The following VWA8 variants were observed in gnomAD, a reference collection of about 807,000 sequenced individuals.
VWA8 encodes the protein von Willebrand factor A domain-containing protein 8.
In VWA8, 221 loss-of-function variants were observed where a neutral mutation model predicts 241.5. That is an observed-to-expected ratio of 0.91 (90% CI 0.82 to 1.02). VWA8 has a LOEUF of 1.02. Among genes scored for constraint, VWA8 ranks in the 50% least tolerant of loss-of-function variants. VWA8 has a pLI of 0.00. For synonymous variants in VWA8, 852 were observed against 827.1 expected (o/e 1.03, Z -0.52); for missense variants, 2,322 against 2,328.7 (o/e 1.00, Z 0.06).
intron 41 of VWA8, among the ~76,000 whole-genome samples, chr13:41,589,967 C>T (rs1049474170): frequency 1.3e-5 from 2 of 152,218 alleles, no homozygotes; most frequent in Non-Finnish European, 2.9e-5. Context: ...CCCCGGTGCA[C>T]ATTAATACAT....
chr13:41,688,398 G>A (rs1187973705), intron 34 of VWA8, among the ~76,000 whole-genome samples: 1 of 152,050 alleles, frequency 6.6e-6, no homozygotes, highest in African/African-American at 2.4e-5. Context: ...CAGAACACAT[G>A]GAGCTACATC....
At chr13:41,741,987 G>A (rs1330878161) in intron 21 of VWA8, among the ~76,000 whole-genome samples, 5 of 152,214 alleles carry the variant, frequency 3.3e-5, no homozygotes, top group Non-Finnish European at 7.4e-5. Context: ...TGAGTAGAAA[G>A]TATGTCTAGG....
intron 12 of VWA8, among the ~76,000 whole-genome samples, chr13:41,861,417 A>C (rs1873000395): frequency 6.6e-6 from 1 of 152,192 alleles, no homozygotes; most frequent in South Asian, 2.1e-4. Flanking sequence ...GTCCACTCTC[A>C]CCATTCCTAT....
chr13:41,635,739 C>A (rs1475479), intron 37 of VWA8, among the ~76,000 whole-genome samples: 7,218 of 152,128 alleles, frequency 0.047, 227 homozygotes, highest in East Asian at 0.16. Context: ...AGAGCTCCTA[C>A]CCCAGAGGCT....
intron 43 of VWA8, among the ~76,000 whole-genome samples, chr13:41,571,387 A>G (rs112476513): frequency 0.043 from 5,742 of 132,184 alleles, 405 homozygotes; most frequent in African/African-American, 0.15. Flanking sequence ...TGATGCCACC[A>G]AAGTTGTCAA....
chr13:41,659,766 G>A (rs926172758), intron 37 of VWA8, among the ~76,000 whole-genome samples: 1 of 152,120 alleles, frequency 6.6e-6, no homozygotes, highest in African/African-American at 2.4e-5. Context: ...GTTCAAATTG[G>A]TGACTTCTGG....
rs778843925 is a variant in VWA8, at chr13:41,699,073, G to A, written c.3562C>T (p.Gln1188Ter). The A allele has an allele frequency of 1.2e-6, 2 of 1,613,740 alleles. No individual in the cohort carries two copies. Among genetic ancestry groups the A allele is most frequent in the African/African-American group, 2.7e-5 (2 of 74,882 alleles). Residue 1188 changes from glutamine (Q) to a stop codon, truncating the protein, a stop_gained and splice_region_variant, in exon 29 of 45, where the codon CAG becomes TAG. Coordinates refer to ENST00000379310, the MANE Select transcript of VWA8 (RefSeq NM_015058.2). LOFTEE classifies it high-confidence loss of function. The stretch of plus-strand genomic sequence containing the variant: ...AATTGTAGCCTGGTGTGCATTACCT[G>A]CTGCTCATGGAGAACCACTTGACCT... ...LKGQVVLHEQ[Q>*]SNVILLLDTT...
chr13:41,605,428 G>T, intron 39 of VWA8, 152 bp from the exon 40 acceptor site: 1 of 703,592 alleles, frequency 1.4e-6, no homozygotes, highest in Non-Finnish European at 2.4e-6. Context: ...CTCCAGCTGT[G>T]CTTCCAGATT....
chr13:41,576,522 G>A (rs1358620042), intron 42 of VWA8, among the ~76,000 whole-genome samples: 1 of 152,198 alleles, frequency 6.6e-6, no homozygotes, highest in Non-Finnish European at 1.5e-5. Context: ...GGTTGAAATT[G>A]TTATGCAAAA....
chr13:41,674,065 A>G (rs536845570), intron 36 of VWA8, among the ~76,000 whole-genome samples: 1 of 152,344 alleles, frequency 6.6e-6, no homozygotes, highest in South Asian at 2.1e-4. Context: ...AATGATTAAA[A>G]GCCATTTTCC....
At chr13:41,745,472 A>G (rs943623949) in intron 21 of VWA8, among the ~76,000 whole-genome samples, 2 of 152,210 alleles carry the variant, frequency 1.3e-5, no homozygotes, top group Non-Finnish European at 2.9e-5. Flanking sequence ...ACAAAGGGCT[A>G]ATATCCAGAA....
chr13:41,961,049 G>A lies in VWA8; in HGVS notation c.-34C>T, dbSNP rs2138179878. On this transcript the variant is annotated 5_prime_UTR_variant, in exon 1 of 45. Transcript: ENST00000379310. ...GGGGGCTGTCGGGGACGGCGAGGGG[G>A]CTCGGGGATCGAGCGGCGTCCCGTG... 7.4e-7 allele frequency: 1 copy of A among 1,355,566 alleles called. No individual in the cohort carries two copies. The highest frequency in any genetic ancestry group is 9.4e-7 in the Non-Finnish European group (1 of 1,060,262). The allele number at this position is 1,355,566 out of a possible 1,614,324, so 84.0% of individuals were successfully genotyped here.
At chr13:41,847,885 A>C (rs1872357967) in intron 12 of VWA8, among the ~76,000 whole-genome samples, 1 of 152,260 alleles carries the variant, frequency 6.6e-6, no homozygotes, top group African/African-American at 2.4e-5. Flanking sequence ...CTCTAACTAC[A>C]TATCTACAAA....
In VWA8 at chr13:41,919,888, G is replaced by A. The variant is rs192795862; in HGVS notation, c.242-7720C>T. 1.8e-3 allele frequency among the ~76,000 whole-genome samples: 274 copies of A among 152,160 alleles called. 1 individual carries two copies. Among genetic ancestry groups the A allele is most frequent in the African/African-American group, 6.1e-3 (254 of 41,508 alleles). ...GTATATTTTAGGGCCAAGCTGATAC[G>A]GCATCTTACTTCCAGGGAATCACAG... On this transcript the variant is annotated intron_variant, in intron 2 of 44. Transcript: ENST00000379310.
At chr13:41,738,052 C>T (rs538761098) in intron 21 of VWA8, among the ~76,000 whole-genome samples, 2 of 151,754 alleles carry the variant, frequency 1.3e-5, no homozygotes, top group Admixed American at 1.3e-4. Context: ...TGAAGAAATA[C>T]GATAGTGTAA....
intron 20 of VWA8, 120 bp downstream of exon 20, chr13:41,777,865 T>G (rs1868678828): frequency 1.3e-6 from 1 of 797,590 alleles, no homozygotes; most frequent in Admixed American, 2.6e-5. Flanking sequence ...GTCTCATCCT[T>G]TAATTAAACC....
intron 26 of VWA8, among the ~76,000 whole-genome samples, chr13:41,708,156 G>A (rs1437812082): frequency 6.6e-6 from 1 of 152,088 alleles, no homozygotes; most frequent in Middle Eastern, 3.4e-3. Flanking sequence ...TCGGGAGTTC[G>A]AGACCAGCCT....
At chr13:41,754,604 T>C (rs1439091493) in intron 21 of VWA8, among the ~76,000 whole-genome samples, 2 of 152,270 alleles carry the variant, frequency 1.3e-5, no homozygotes, top group African/African-American at 4.8e-5. Flanking sequence ...TTACAAACTA[T>C]CCAATTATAC....
chr13:41,839,471 T>C (rs1871895012), intron 12 of VWA8, among the ~76,000 whole-genome samples: 1 of 152,232 alleles, frequency 6.6e-6, no homozygotes, highest in Non-Finnish European at 1.5e-5. Flanking sequence ...TTTCTTTTGC[T>C]GTGCAGAAGC....
Sources: gnomAD v4.1 joint callset for allele counts (sites outside exome capture counted in the v4.1 genomes callset) on GRCh38, gnomAD v4.1.1 for gene constraint, MANE v1.5 for transcripts, NCBI Gene and HGNC (gene_info 2026-07-23, HGNC 2026-07-21) for gene names.